The following TSNARE1 variants were observed in gnomAD, a reference collection of about 807,000 sequenced individuals.
TSNARE1 encodes t-SNARE domain containing 1, also known as t-SNARE domain-containing protein 1.
A neutral mutation model predicts 62.0 loss-of-function variants in TSNARE1; 49 were observed. That is an observed-to-expected ratio of 0.79 (90% confidence interval 0.63 to 1.00). The LOEUF (loss-of-function observed/expected upper bound fraction) is 1.00. TSNARE1 is among the 50% of genes least tolerant of loss of function. The pLI is 0.00. For missense variants in TSNARE1, 755 were observed against 700.1 expected (o/e 1.08, Z -0.88); for synonymous variants, 328 against 294.4 (o/e 1.11, Z -1.17).
chr8:142,271,596 C>A, intron 12 of TSNARE1: 1 of 1,429,006 alleles, frequency 7.0e-7, no homozygotes, highest in Non-Finnish European at 9.1e-7. Flanking sequence ...TGGAAGACTC[C>A]TCGTAAGTCC....
At chr8:142,278,776 C>G (rs1820921772) in intron 11 of TSNARE1, 1 of 985,320 alleles carries the variant, frequency 1.0e-6, no homozygotes, top group African/African-American at 1.7e-5. Context: ...AGTCACCGGA[C>G]AGCACCACGT....
At chr8:142,264,139 A>G (rs1241376649) in intron 12 of TSNARE1, among the ~76,000 whole-genome samples, 2 of 152,228 alleles carry the variant, frequency 1.3e-5, no homozygotes, top group African/African-American at 4.8e-5. Context: ...ATGTCTTTGT[A>G]CCTAGCTATT....
chr8:142,328,398 C>A (rs532975124), intron 6 of TSNARE1, among the ~76,000 whole-genome samples: 2 of 152,348 alleles, frequency 1.3e-5, no homozygotes, highest in Non-Finnish European at 2.9e-5. Flanking sequence ...GCAACTTCCT[C>A]TTTTCCTTTT....
chr8:142,295,021 C>T (rs770091005), intron 10 of TSNARE1, among the ~76,000 whole-genome samples: 3 of 152,220 alleles, frequency 2.0e-5, no homozygotes, highest in Admixed American at 6.5e-5. Flanking sequence ...GGACCAGCAC[C>T]AGGGGCTACC....
chr8:142,360,427 G>A (rs1835069108), intron 1 of TSNARE1, among the ~76,000 whole-genome samples: 1 of 152,164 alleles, frequency 6.6e-6, no homozygotes. Context: ...AGCGGGGCCA[G>A]GACGGAGGGG....
At chr8:142,330,312 C>T (rs11996422) in intron 6 of TSNARE1, among the ~76,000 whole-genome samples, 3,867 of 152,318 alleles carry the variant, frequency 0.025, 164 homozygotes, top group African/African-American at 0.087. Flanking sequence ...CCAGCCAGGG[C>T]TCAGACTTAG....
intron 5 of TSNARE1, 76 bp downstream of exon 5, chr8:142,331,678 C>G (rs751324968): frequency 1.4e-6 from 2 of 1,424,020 alleles, no homozygotes; most frequent in African/African-American, 2.8e-5. Context: ...CCATCCAGCA[C>G]CCTCGCCTCC....
intron 4 of TSNARE1, among the ~76,000 whole-genome samples, chr8:142,336,241 G>T (rs929116020): frequency 7.6e-6 from 1 of 131,220 alleles, no homozygotes; most frequent in African/African-American, 3.0e-5. Context: ...TGATCACACC[G>T]CTACATTTTA....
chr8:142,356,754 G>A (rs544869103), intron 1 of TSNARE1, among the ~76,000 whole-genome samples: 14 of 152,248 alleles, frequency 9.2e-5, no homozygotes, highest in African/African-American at 3.4e-4. Flanking sequence ...TCTTTACCTT[G>A]CAGCTGAGGA....
intron 7 of TSNARE1, among the ~76,000 whole-genome samples, 198 bp downstream of exon 7, chr8:142,318,346 A>T (rs1828911982): frequency 6.6e-6 from 1 of 152,232 alleles, no homozygotes; most frequent in South Asian, 2.1e-4. Flanking sequence ...GCACGTGGTC[A>T]GCACACGGCT....
intron 1 of TSNARE1, among the ~76,000 whole-genome samples, chr8:142,362,141 C>A (rs1224873295): frequency 6.6e-6 from 1 of 152,208 alleles, no homozygotes; most frequent in Non-Finnish European, 1.5e-5. Flanking sequence ...CCTAACACAG[C>A]CTCTCCACAG....
intron 11 of TSNARE1, among the ~76,000 whole-genome samples, chr8:142,281,775 A>G (rs1206656148): frequency 6.6e-6 from 1 of 152,028 alleles, no homozygotes; most frequent in Non-Finnish European, 1.5e-5. Flanking sequence ...GGGCGGGGTC[A>G]CTGGGCACTG....
chr8:142,308,226 C>T (rs181564723), intron 9 of TSNARE1, among the ~76,000 whole-genome samples: 2 of 152,172 alleles, frequency 1.3e-5, no homozygotes, highest in East Asian at 1.9e-4. Context: ...CAAAGTGTGT[C>T]GACCTTCTCC....
chr8:142,325,147 C>A (rs1311779940), intron 6 of TSNARE1, among the ~76,000 whole-genome samples: 8 of 152,228 alleles, frequency 5.3e-5, no homozygotes, highest in African/African-American at 1.7e-4. Context: ...CCGGCAAGGC[C>A]TGGACTGAGC....
intron 12 of TSNARE1, among the ~76,000 whole-genome samples, chr8:142,245,061 A>G (rs1468196529): frequency 6.6e-6 from 1 of 152,242 alleles, no homozygotes; most frequent in Non-Finnish European, 1.5e-5. Flanking sequence ...AAACACAAAT[A>G]CAAACACATG....
chr8:142,381,887 C>T (rs1390423896), intron 1 of TSNARE1, among the ~76,000 whole-genome samples: 6 of 152,332 alleles, frequency 3.9e-5, no homozygotes, highest in Admixed American at 6.5e-5. Context: ...GCTCATCCTG[C>T]GTGTGGGAGA....
At chr8:142,215,381 T>A (rs1815782736) in intron 13 of TSNARE1, among the ~76,000 whole-genome samples, 1 of 152,074 alleles carries the variant, frequency 6.6e-6, no homozygotes, top group Admixed American at 6.5e-5. Flanking sequence ...TAATGCGAGG[T>A]GGCAGCAATG....
intron 12 of TSNARE1, among the ~76,000 whole-genome samples, chr8:142,268,625 C>T (rs945197800): frequency 6.7e-5 from 10 of 150,246 alleles, no homozygotes; most frequent in African/African-American, 1.9e-4. Flanking sequence ...GGGGCTGAAG[C>T]CGTGTTTTCC....
At chr8:142,238,715 G>C (rs1278469432) in intron 12 of TSNARE1, among the ~76,000 whole-genome samples, 1 of 146,442 alleles carries the variant, frequency 6.8e-6, no homozygotes, top group Admixed American at 6.7e-5. Context: ...ATGCACACCT[G>C]CCCCTGCACA....
Sources: allele counts gnomAD v4.1 joint callset (sites outside exome capture counted in the v4.1 genomes callset), GRCh38; gene constraint gnomAD v4.1.1; transcripts MANE v1.5; gene names NCBI Gene and HGNC (gene_info 2026-07-23, HGNC 2026-07-21).